Variants in RRM1 observed in about 807,000 individuals in gnomAD.
The protein encoded by RRM1 is ribonucleotide reductase catalytic subunit M1, also known as ribonucleoside-diphosphate reductase large subunit.
In RRM1, 19 loss-of-function variants were observed where a neutral mutation model predicts 101.5. The observed-to-expected ratio is 0.19, with a 90% CI of 0.13 to 0.27. RRM1 has a LOEUF of 0.27. Ranked by LOEUF, RRM1 falls within the 10% of genes least tolerant of loss-of-function variation. RRM1 has a pLI of 1.00. For missense variants in RRM1, 500 were observed against 962.9 expected, an observed-to-expected ratio of 0.52 and a Z score of 6.36; for synonymous variants, 298 against 323.4, an observed-to-expected ratio of 0.92 and a Z score of 0.84.
intron 14 of RRM1, among the ~76,000 whole-genome samples, chr11:4,127,468 G>T (rs1405093550): frequency 1.3e-5 from 2 of 152,214 alleles, no homozygotes; most frequent in African/African-American, 4.8e-5. Flanking sequence ...TCTAATGACA[G>T]TTGTCCTGCA....
intron 7 of RRM1, among the ~76,000 whole-genome samples, chr11:4,118,024 G>C (rs1023652248): frequency 6.6e-6 from 1 of 152,164 alleles, no homozygotes; most frequent in African/African-American, 2.4e-5. Flanking sequence ...AAAATAGCAC[G>C]TTTGCAGTCT....
chr11:4,136,810 C>G (rs935003727), intron 18 of RRM1, among the ~76,000 whole-genome samples: 1 of 151,420 alleles, frequency 6.6e-6, no homozygotes, highest in African/African-American at 2.4e-5. Flanking sequence ...TTGGGTGTTT[C>G]TCACAGAGGG....
intron 15 of RRM1, among the ~76,000 whole-genome samples, chr11:4,130,468 G>A (rs2094598240): frequency 1.3e-5 from 2 of 152,028 alleles, no homozygotes; most frequent in Admixed American, 1.3e-4. Context: ...GGCTGAGGTG[G>A]GTGGATCACT....
At chr11:4,100,143 C>T (rs1432578193) in intron 1 of RRM1, among the ~76,000 whole-genome samples, 6 of 152,200 alleles carry the variant, frequency 3.9e-5, no homozygotes. Context: ...GAGGGGCTAA[C>T]ATATCAGTGT....
At chr11:4,109,757 G>A (rs1426995591) in intron 5 of RRM1, 54 bp downstream of exon 5, 6 of 1,431,700 alleles carry the variant, frequency 4.2e-6, no homozygotes, top group Non-Finnish European at 4.8e-6. Context: ...ATGAAATAAA[G>A]GATTTTGTTT....
chr11:4,109,760 T>C, intron 5 of RRM1, 57 bp downstream of exon 5: 1 of 1,424,276 alleles, frequency 7.0e-7, no homozygotes, highest in Non-Finnish European at 9.7e-7. Flanking sequence ...AAATAAAGGA[T>C]TTTGTTTATG....
rs994699986 is a variant in RRM1 at position 4,101,826 on chromosome 11, A to G, written c.20-167A>G. 2.7e-5 allele frequency: 16 copies of G among 588,850 alleles called. No homozygotes were observed. The East Asian group carries it at 3.5e-4, about 13-fold the overall frequency. The allele number at this position is 588,850 out of a possible 1,614,324, so 36.5% of individuals were successfully genotyped here. On this transcript the variant is annotated intron_variant, in intron 1 of 18. Coordinates refer to ENST00000300738, the MANE Select transcript of RRM1 (RefSeq NM_001033.5). ...TCATACTCTTTGAAGGTGACATCAG[A>G]GAAGACAATCTCTTCATGAATCTTT...
chr11:4,129,527 A>G (rs2133318312), intron 15 of RRM1, among the ~76,000 whole-genome samples: 1 of 152,124 alleles, frequency 6.6e-6, no homozygotes, highest in Admixed American at 6.5e-5. Context: ...CATCGGGCAT[A>G]TAAATGGCTT....
intron 7 of RRM1, among the ~76,000 whole-genome samples, chr11:4,117,381 A>G (rs1279716611): frequency 1.3e-5 from 2 of 152,246 alleles, no homozygotes; most frequent in Non-Finnish European, 2.9e-5. Flanking sequence ...ATGAATTGGA[A>G]ATAATCCAGA....
At chr11:4,118,273 TC>T (rs774716541) in intron 7 of RRM1, 46 bp from the exon 8 acceptor site, 12 of 1,568,514 alleles carry the variant, frequency 7.7e-6, no homozygotes, top group Admixed American at 6.9e-5. Flanking sequence ...TTTTTGTGAC[TC>T]TGCTTCATTT....
At position 4,126,746 on chromosome 11, in the gene RRM1, C is replaced by T. The variant is rs145192146; in HGVS notation, c.1383C>T (p.Tyr461=). 152 of 1,613,628 alleles carry T rather than the reference C, an allele frequency of 9.4e-5. 2 individuals are homozygous for T. The highest frequency in any genetic ancestry group is 3.3e-4 in the Middle Eastern group (2 of 6,058). The change falls in exon 13 of 19, where the codon TAC becomes TAT. Residue 461 remains tyrosine, a synonymous_variant. Transcript: ENST00000300738. The part of the protein sequence containing the change: ...LNMYVTSEHT[Y]DFKKLAEVTK... Reference sequence around the variant, plus strand: ...TGTATGTCACATCAGAACACACATACGACTTTAAGAAGTTGGCTGAAGTCA... The same window carrying T: ...TGTATGTCACATCAGAACACACATATGACTTTAAGAAGTTGGCTGAAGTCA...
intron 1 of RRM1, among the ~76,000 whole-genome samples, chr11:4,098,928 A>G (rs1426625969): frequency 6.6e-6 from 1 of 152,120 alleles, no homozygotes; most frequent in Non-Finnish European, 1.5e-5. Context: ...TGAGAAGCCA[A>G]CATTTGAGCT....
At chr11:4,120,365 G>C (rs2094579767) in intron 9 of RRM1, among the ~76,000 whole-genome samples, 1 of 151,928 alleles carries the variant, frequency 6.6e-6, no homozygotes, top group African/African-American at 2.4e-5. Flanking sequence ...ATGTGCTCTA[G>C]GTTTTTCTTT....
At position 4,127,114 on chromosome 11, in the gene RRM1, A is replaced by G; in HGVS notation, c.1550A>G (p.Tyr517Cys). The change falls in exon 14 of 19, where the codon TAC (tyrosine) becomes TGC (cysteine). Residue 517 changes from tyrosine (Y) to cysteine (C), a missense_variant. Coordinates refer to ENST00000300738, the MANE Select transcript of RRM1 (RefSeq NM_001033.5). ...GCAGATGCTTTTATCCTGATGAGAT[A>G]CCCTTTTGAGAGTGCAGAAGCCCAG... ...GLADAFILMR[Y>C]PFESAEAQLL... The G allele has an allele frequency of 1.2e-6, 2 of 1,614,112 alleles. No homozygotes were observed. The highest frequency in any genetic ancestry group is 1.3e-5 in the African/African-American group (1 of 75,034).
chr11:4,133,673 T>C lies in RRM1; in HGVS notation c.2001+15T>C. 1 of 1,500,922 alleles carries C rather than the reference T, an allele frequency of 6.7e-7. No homozygotes were observed. The allele number at this position is 1,500,922 out of a possible 1,614,324, so 93.0% of individuals were successfully genotyped here. A position where few individuals can be genotyped will look rare whatever the true frequency, so the allele number is the denominator to read the frequency against. On this transcript the variant is annotated intron_variant, in intron 17 of 18. Coordinates refer to ENST00000300738, the MANE Select transcript of RRM1 (RefSeq NM_001033.5). ...GCTCTATTCAGGTATAGAATGAAAA[T>C]GAAGTGTGCTCTGCAGGGGCTGAGT...
intron 14 of RRM1, among the ~76,000 whole-genome samples, chr11:4,128,220 G>T (rs1319638004): frequency 6.7e-6 from 1 of 149,234 alleles, no homozygotes; most frequent in African/African-American, 2.5e-5. Flanking sequence ...GGAGTGTGTG[G>T]TGTGATCTTA....
intron 9 of RRM1, 113 bp from the exon 10 acceptor site, chr11:4,121,491 T>A (rs2094581846): frequency 1.7e-6 from 1 of 598,880 alleles, no homozygotes; most frequent in African/African-American, 1.9e-5. Context: ...ATTTATGTTA[T>A]TTAATTCATT....
At chr11:4,116,243 A>C (rs1289832007) in intron 7 of RRM1, 1 of 152,410 alleles carries the variant, frequency 6.6e-6, no homozygotes, top group East Asian at 1.9e-4. Flanking sequence ...GTGAACCCGG[A>C]AATGCTGAGT....
chr11:4,102,174 T>C, intron 2 of RRM1, 93 bp downstream of exon 2: 1 of 712,278 alleles, frequency 1.4e-6, no homozygotes, highest in Non-Finnish European at 2.5e-6. Flanking sequence ...CCTGATATAC[T>C]TTGGTATTCT....
Sources: allele counts gnomAD v4.1 joint callset (sites outside exome capture counted in the v4.1 genomes callset), GRCh38; gene constraint gnomAD v4.1.1; transcripts MANE v1.5; gene names NCBI Gene and HGNC (gene_info 2026-07-23, HGNC 2026-07-21).